TTN: variants seen among roughly 807,000 people sequenced by gnomAD.
TTN encodes the protein connectin.
Under a neutral mutation model 3,223.0 loss-of-function variants are expected in TTN, and 1,525 were observed. The ratio of observed to expected loss-of-function variants is 0.47; its 90% CI spans 0.45 to 0.49. TTN has a LOEUF of 0.49. TTN is among the 20% of genes least tolerant of loss of function. The pLI, the probability that TTN is intolerant of heterozygous loss-of-function variation, is 0.00. For synonymous variants in TTN, 14,094 were observed against 15,161.0 expected, an observed-to-expected ratio of 0.93 and a Z score of 5.17; for missense variants, 40,786 against 43,424.0, an observed-to-expected ratio of 0.94 and a Z score of 5.40.
At position 178,537,862 on chromosome 2, in the gene TTN, A is replaced by C. The variant is rs56398525; in HGVS notation, c.99345T>G (p.Gly33115=). 705 of 1,613,474 alleles carry C rather than the reference A, an allele frequency of 4.4e-4. 8 individuals are homozygous for C. The East Asian group carries it at 0.013, about 31-fold the overall frequency. The part of the protein sequence containing the change: ...KEMKDVTTKL[G]EAAQLSCQIV... ...TCTGGCATGAGAGTTGAGCAGCTTC[A>C]CCCAATTTTGTGGTAACATCCTTCA... The change falls in exon 355 of 363, where the codon GGT becomes GGG. Residue 33115 remains glycine (G), a synonymous_variant. Transcript: ENST00000589042.
In TTN at chr2:178,543,819, A is replaced by G; in HGVS notation, c.96310+15T>C. ...ATCTACTCATTGTATAGCCAATTTT[A>G]AGTAAAATGCTTACCATAGACTTTA... is the stretch of plus-strand genomic sequence containing the variant. On this transcript the variant is annotated intron_variant, in intron 346 of 362. Transcript: ENST00000589042. 4 of 1,611,958 alleles carry G rather than the reference A, an allele frequency of 2.5e-6. No individual in the cohort carries two copies. Among genetic ancestry groups the G allele is most frequent in the Non-Finnish European group, 3.4e-6 (4 of 1,178,462 alleles).
chr2:178,785,818 A>C (rs1171626165), intron 14 of TTN, 30 bp downstream of exon 14: 1 of 1,614,006 alleles, frequency 6.2e-7, no homozygotes, highest in East Asian at 2.2e-5. Context: ...TACCATGAAC[A>C]AGGTGAAAAA....
At position 178,715,615 on chromosome 2, in the gene TTN, A is replaced by T; in HGVS notation, c.25799T>A (p.Phe8600Tyr). The T allele has an allele frequency of 6.2e-7, 1 of 1,613,602 alleles. No homozygotes were observed. Among genetic ancestry groups the T allele is most frequent in the Non-Finnish European group, 8.5e-7 (1 of 1,179,644 alleles). The change falls in exon 89 of 363, where the codon TTC (phenylalanine) becomes TAC (tyrosine). Residue 8600 changes from phenylalanine to tyrosine, a missense_variant. Physicochemically the swap from Phe to Tyr is conservative, Grantham distance 22. Coordinates refer to ENST00000589042, the MANE Select transcript of TTN (RefSeq NM_001267550.2). ...IQESSKFRMS[F>Y]VDSVAVLEMH... Reference sequence around the variant, plus strand: ...TTCCAGCACAGCCACCGAGTCAACGAATGACATTCTGAATTTACTGCTCTC... The same window carrying T: ...TTCCAGCACAGCCACCGAGTCAACGTATGACATTCTGAATTTACTGCTCTC...
At position 178,777,254 on chromosome 2, in the gene TTN, C is replaced by A. The variant is rs199910114; in HGVS notation, c.4709G>T (p.Gly1570Val). 4 of 1,613,932 alleles carry A rather than the reference C, an allele frequency of 2.5e-6. No individual in the cohort carries two copies. The highest frequency in any genetic ancestry group is 3.4e-6 in the Non-Finnish European group (4 of 1,179,972). ...TCTGACTTTCATTTCAAGTCGGGAA[C>A]CTTCCTTTATATTGACATTTTTCAG... is the stretch of plus-strand genomic sequence containing the variant. Reference protein sequence around the residue: ...EKLKNVNIKEGSRLEMKVRAT... With the variant: ...EKLKNVNIKEVSRLEMKVRAT... Residue 1570 changes from glycine to valine, a missense_variant, in exon 27 of 363, where the codon GGT (glycine) becomes GTT (valine). Coordinates refer to ENST00000589042, the MANE Select transcript of TTN (RefSeq NM_001267550.2).
intron 239 of TTN, 54 bp downstream of exon 239, chr2:178,630,187 T>A (rs2059625303): frequency 6.2e-7 from 1 of 1,607,004 alleles, no homozygotes; most frequent in African/African-American, 1.3e-5. Context: ...TCACTCACAT[T>A]CATTTTCTGA....
At position 178,588,517 on chromosome 2, in the gene TTN, G is replaced by A. The variant is rs750060724; in HGVS notation, c.63187+21C>T. On this transcript the variant is annotated intron_variant, in intron 304 of 362. Coordinates refer to ENST00000589042, the MANE Select transcript of TTN (RefSeq NM_001267550.2). ...GAGATTAAGAGTTGCTGTAATATCA[G>A]AAAAAACAAGGACATCCTACCTATG... 7 of 1,508,674 alleles carry A rather than the reference G, an allele frequency of 4.6e-6. No individual in the cohort carries two copies. The African/African-American group carries it at 9.8e-5, about 21-fold the overall frequency. 93.5% of individuals were successfully genotyped at this position (1,508,674 alleles called of 1,614,324 possible).
chr2:178,554,645 G>C lies in TTN; in HGVS notation c.88702C>G (p.His29568Asp). 1 of 1,613,914 alleles carries C rather than the reference G, an allele frequency of 6.2e-7. No individual in the cohort carries two copies. The change falls in exon 332 of 363, where the codon CAC becomes GAC. Residue 29568 changes from histidine (H) to aspartate (D), a missense_variant. By Grantham distance (81) the His-to-Asp change is moderately conservative (BLOSUM62 -1). Coordinates refer to ENST00000589042, the MANE Select transcript of TTN (RefSeq NM_001267550.2). The stretch of plus-strand genomic sequence containing the variant: ...GTCTCACGCTTTTCCACAATGTAGT[G>C]AGTGATTTTTGCACCACCATCATCA... ...PADDGGAKIT[H>D]YIVEKRETSR... is the part of the protein sequence containing the mutation.
chr2:178,587,071 A>G, intron 307 of TTN, 47 bp downstream of exon 307: 1 of 1,606,380 alleles, frequency 6.2e-7, no homozygotes, highest in Non-Finnish European at 8.5e-7. Context: ...TGACCTTGCT[A>G]AAATAGGAGA....
chr2:178,707,033 T>C (rs1346325296), intron 100 of TTN, 79 bp from the exon 101 acceptor site: 61 of 1,314,040 alleles, frequency 4.6e-5, no homozygotes, highest in Non-Finnish European at 6.0e-5. Context: ...AAATAAGCCT[T>C]AGGAGGTTGG....
chr2:178,530,256 C>T lies in TTN; in HGVS notation c.106359G>A (p.Trp35453Ter). The change falls in exon 358 of 363, where the codon TGG (tryptophan) becomes TGA (stop). Residue 35453 changes from tryptophan (W) to a stop codon, truncating the protein, a stop_gained. Transcript: ENST00000589042. LOFTEE classifies it high-confidence loss of function. ...AACTGGTTACCTTTCCATCTTTTGTCCAGATGGCAGTTGGCCGGGGTTCTC... is the reference window on the plus strand; with the variant it reads ...AACTGGTTACCTTTCCATCTTTTGTTCAGATGGCAGTTGGCCGGGGTTCTC... ...ATGEPRPTAIWTKDGKAITQG... is the reference protein window; with the variant it reads ...ATGEPRPTAI 6.2e-7 allele frequency: 1 copy of T among 1,602,574 alleles called. No homozygotes were observed. The highest frequency in any genetic ancestry group is 8.5e-7 in the Non-Finnish European group (1 of 1,173,756).
chr2:178,664,189 T>C (rs1429288517), intron 168 of TTN, 91 bp from the exon 169 acceptor site: 13 of 1,305,628 alleles, frequency 1.0e-5, no homozygotes, highest in Non-Finnish European at 1.4e-5. Context: ...AGCTATTTTT[T>C]TCTCCTGAGC....
In TTN at chr2:178,694,593, G is replaced by A. The variant is rs2073233524; in HGVS notation, c.31426+6C>T. On this transcript the variant is annotated splice_donor_region_variant and intron_variant, in intron 117 of 362. Coordinates refer to ENST00000589042, the MANE Select transcript of TTN (RefSeq NM_001267550.2). ...GAACTTGTAGCTGAAACACAAAGAT[G>A]TATACCTTTCACTTCAATAACTTCT... is the stretch of plus-strand genomic sequence containing the variant. 1.9e-6 allele frequency: 3 copies of A among 1,550,710 alleles called. No homozygotes were observed. Among genetic ancestry groups the A allele is most frequent in the African/African-American group, 1.4e-5 (1 of 73,132 alleles).
In TTN at chr2:178,729,416, A is replaced by C. The variant is rs2079986312; in HGVS notation, c.18740T>G (p.Leu6247Trp). 1.2e-6 allele frequency: 2 copies of C among 1,613,518 alleles called. No individual in the cohort carries two copies. The highest frequency in any genetic ancestry group is 2.2e-5 in the East Asian group (1 of 44,866). ...GTTAAACACAGACACTCTGTCGGTC[A>C]ATGTGTATTTTTTGCTGCTTCGAAT... The part of the protein sequence containing the change: ...REIRSSKKYT[L>W]TDRVSVFNLH... The change falls in exon 64 of 363, where the codon TTG (leucine) becomes TGG (tryptophan). Residue 6247 changes from leucine to tryptophan, a missense_variant. Transcript: ENST00000589042.
chr2:178,770,798 T>A, intron 34 of TTN, 123 bp from the exon 35 acceptor site: 1 of 1,232,862 alleles, frequency 8.1e-7, no homozygotes, highest in Non-Finnish European at 1.2e-6. Context: ...TTTACAGTTA[T>A]GCAGCACCTC....
rs760531226 is a variant in TTN at position 178,529,081 on chromosome 2, G to C, written c.106670C>G (p.Ser35557Cys). The change falls in exon 360 of 363, where the codon TCT (serine) becomes TGT (cysteine). Residue 35557 changes from serine to cysteine, a missense_variant. Ser to Cys is a moderately radical substitution (Grantham distance 112). Transcript: ENST00000589042. ...CTCTTTGAGGGCTAACTTTTCTTGA[G>C]ATTTTGCCTCTGACATCTTAATTTC... Reference protein sequence around the residue: ...SEEIKMSEAKSQEKLALKEEA... With the variant: ...SEEIKMSEAKCQEKLALKEEA... The C allele has an allele frequency of 1.9e-6, 3 of 1,613,088 alleles. No individual in the cohort carries two copies. In the South Asian group the frequency reaches 3.3e-5, roughly 18 times the overall value.
rs1389298806 is a variant in TTN at position 178,584,329 on chromosome 2, C to A, written c.65222G>T (p.Gly21741Val). 6.2e-7 allele frequency: 1 copy of A among 1,604,792 alleles called. No homozygotes were observed. ...TGTGGGTTTGCTGGGTGGGCTGGAT[C>A]CAGCTTTGTTTAGGGCATAGATTCT... ...SFRIYALNKAGSSPPSKPTEY... is the reference protein window; with the variant it reads ...SFRIYALNKAVSSPPSKPTEY... The change falls in exon 311 of 363, where the codon GGA (glycine) becomes GTA (valine). Residue 21741 changes from glycine to valine, a missense_variant. Coordinates refer to ENST00000589042, the MANE Select transcript of TTN (RefSeq NM_001267550.2).
Position 178,569,018 on chromosome 2 carries a change from A to G in TTN, c.77114T>C (p.Ile25705Thr), listed in dbSNP as rs561858074. The change falls in exon 326 of 363, where the codon ATA becomes ACA. Residue 25705 changes from isoleucine (I) to threonine (T), a missense_variant. Coordinates refer to ENST00000589042, the MANE Select transcript of TTN (RefSeq NM_001267550.2). ...VAEVPQPPGK[I>T]TVDDVTRNSV... ...GTTTCTGGTGACATCATCCACAGTT[A>G]TTTTTCCAGGAGGTTGTGGCACTTC... 6.2e-7 allele frequency: 1 copy of G among 1,613,254 alleles called. No individual in the cohort carries two copies. The highest frequency in any genetic ancestry group is 1.7e-5 in the Admixed American group (1 of 59,980).
chr2:178,606,894 ACTTTT>A (rs2055020128), intron 278 of TTN, 122 bp downstream of exon 278: 2 of 1,054,806 alleles, frequency 1.9e-6, no homozygotes, highest in Non-Finnish European at 1.3e-6. Flanking sequence ...TTTTTGATTT[ACTTTT>A]CTTATTACTC....
rs1326545542 is a variant in TTN at position 178,756,909 on chromosome 2, G to A, written c.10679-112C>T. The stretch of plus-strand genomic sequence containing the variant: ...GAAGATGAAGATGAAAGACGTAGTT[G>A]TCACTTGAAAGCAGCATGCCAGATG... On this transcript the variant is annotated intron_variant, in intron 45 of 362. Transcript: ENST00000589042. 3 of 974,638 alleles carry A rather than the reference G, an allele frequency of 3.1e-6. No homozygotes were observed. In the South Asian group the frequency reaches 5.0e-5, roughly 16 times the overall value. 60.4% of individuals were successfully genotyped at this position (974,638 alleles called of 1,614,324 possible). A position where few individuals can be genotyped will look rare whatever the true frequency, so the allele number is the denominator to read the frequency against.
Sources: gnomAD v4.1 joint callset for allele counts on GRCh38, gnomAD v4.1.1 for gene constraint, MANE v1.5 for transcripts, NCBI Gene and HGNC (gene_info 2026-07-23, HGNC 2026-07-21) for gene names.